Variants in TRIP4 observed in about 807,000 individuals in gnomAD.
TRIP4 encodes thyroid hormone receptor interactor 4.
Under a neutral mutation model 81.8 loss-of-function variants are expected in TRIP4, and 54 were observed. The observed-to-expected ratio is 0.66, with a 90% CI of 0.53 to 0.83. The LOEUF is 0.83. Among genes scored for constraint, TRIP4 ranks in the 40% least tolerant of loss-of-function variants. TRIP4 has a pLI of 0.00. For synonymous variants in TRIP4, 270 were observed against 242.8 expected (o/e 1.11, Z -1.04); for missense variants, 662 against 683.6 (o/e 0.97, Z 0.35).
In TRIP4 at chr15:64,418,669, T is replaced by C; in HGVS notation, c.1299T>C (p.Gly433=). 2.5e-6 allele frequency: 4 copies of C among 1,614,106 alleles called. No homozygotes were observed. The highest frequency in any genetic ancestry group is 2.5e-6 in the Non-Finnish European group (3 of 1,180,026). Residue 433 remains glycine, a synonymous_variant, in exon 9 of 13, where the codon GGT becomes GGC. Transcript: ENST00000261884. The stretch of plus-strand genomic sequence containing the variant: ...AAGAATTTCAGGAAGGCTTTGATGG[T>C]GGCTGGTGCCTCTCTGTACATCAGC... ...QDQEFQEGFD[G]GWCLSVHQPW...
At chr15:64,425,091 TA>T (rs1892112016) in intron 10 of TRIP4, among the ~76,000 whole-genome samples, 2 of 152,282 alleles carry the variant, frequency 1.3e-5, no homozygotes, top group South Asian at 4.2e-4. Flanking sequence ...AGCACACTTC[TA>T]TTCCTATTGA....
chr15:64,409,486 C>A, intron 6 of TRIP4, 127 bp from the exon 7 acceptor site: 1 of 811,318 alleles, frequency 1.2e-6, no homozygotes, highest in Non-Finnish European at 2.0e-6. Flanking sequence ...GGAGATAAAA[C>A]ATATGCAGAG....
intron 12 of TRIP4, among the ~76,000 whole-genome samples, chr15:64,447,380 C>G (rs948035180): frequency 3.9e-5 from 6 of 152,286 alleles, no homozygotes; most frequent in Admixed American, 3.9e-4. Flanking sequence ...AAGTACTTCT[C>G]AAACTATAAT....
chr15:64,428,501 C>T (rs1892199239), intron 11 of TRIP4, among the ~76,000 whole-genome samples: 1 of 152,174 alleles, frequency 6.6e-6, no homozygotes. Context: ...ATGAATGTCT[C>T]TGATATATAA....
At chr15:64,404,205 A>T (rs1891574341) in intron 5 of TRIP4, among the ~76,000 whole-genome samples, 1 of 152,124 alleles carries the variant, frequency 6.6e-6, no homozygotes, top group Admixed American at 6.6e-5. Flanking sequence ...AAAAAAAATC[A>T]TATTAATCTA....
chr15:64,443,887 G>A (rs1400589888), intron 11 of TRIP4, among the ~76,000 whole-genome samples: 2 of 152,018 alleles, frequency 1.3e-5, no homozygotes, highest in African/African-American at 4.8e-5. Context: ...CAAAGTACAT[G>A]TCCCACCTCT....
intron 5 of TRIP4, among the ~76,000 whole-genome samples, chr15:64,405,593 A>ACT (rs2140289152): frequency 6.6e-6 from 1 of 152,252 alleles, no homozygotes; most frequent in East Asian, 1.9e-4. Flanking sequence ...ATACTAAGTG[A>ACT]CTCAGCATTT....
intron 11 of TRIP4, among the ~76,000 whole-genome samples, chr15:64,442,326 G>A (rs1892535503): frequency 6.6e-6 from 1 of 152,168 alleles, no homozygotes; most frequent in South Asian, 2.1e-4. Context: ...CTTGGACCAG[G>A]GAAGTAGCCA....
chr15:64,417,791 G>A (rs563855341), intron 8 of TRIP4, among the ~76,000 whole-genome samples: 1 of 152,288 alleles, frequency 6.6e-6, no homozygotes, highest in South Asian at 2.1e-4. Flanking sequence ...GCTTTGTCAT[G>A]GTGCCAGCAT....
chr15:64,424,309 C>A, intron 10 of TRIP4, 154 bp downstream of exon 10: 1 of 1,049,182 alleles, frequency 9.5e-7, no homozygotes, highest in Non-Finnish European at 1.3e-6. Flanking sequence ...AAATCATTGA[C>A]AGCGTTCAAA....
chr15:64,452,206 T>G (rs1458075285), intron 12 of TRIP4, among the ~76,000 whole-genome samples: 1 of 152,144 alleles, frequency 6.6e-6, no homozygotes, highest in African/African-American at 2.4e-5. Flanking sequence ...GGTCTGGAAC[T>G]TCTGGGCTCA....
intron 7 of TRIP4, among the ~76,000 whole-genome samples, chr15:64,411,846 A>AT (rs924937250): frequency 1.8e-4 from 27 of 151,600 alleles, no homozygotes; most frequent in Admixed American, 6.6e-5. Flanking sequence ...CGCCTGGCTA[A>AT]TTTTTTTTGT....
At chr15:64,434,166 G>A (rs1892338859) in intron 11 of TRIP4, among the ~76,000 whole-genome samples, 1 of 151,976 alleles carries the variant, frequency 6.6e-6, no homozygotes, top group Non-Finnish European at 1.5e-5. Flanking sequence ...TTGGAAGGCC[G>A]AGGCAGGTGG....
intron 11 of TRIP4, among the ~76,000 whole-genome samples, chr15:64,432,257 G>A (rs1462419465): frequency 6.6e-6 from 1 of 151,856 alleles, no homozygotes; most frequent in Non-Finnish European, 1.5e-5. Context: ...TGTATTTAGT[G>A]TTTTGGTTTT....
chr15:64,449,643 G>C (rs1309834088), intron 12 of TRIP4, among the ~76,000 whole-genome samples: 1 of 152,022 alleles, frequency 6.6e-6, no homozygotes, highest in Non-Finnish European at 1.5e-5. Flanking sequence ...TGATTTGTTT[G>C]TTTTTGGAAG....
At chr15:64,395,968 G>A (rs1205773184) in intron 3 of TRIP4, among the ~76,000 whole-genome samples, 1 of 151,830 alleles carries the variant, frequency 6.6e-6, no homozygotes, top group African/African-American at 2.4e-5. Flanking sequence ...GAATGCAGTG[G>A]TGTAATCTCA....
At chr15:64,391,305 T>C (rs1453003636) in intron 1 of TRIP4, among the ~76,000 whole-genome samples, 1 of 151,868 alleles carries the variant, frequency 6.6e-6, no homozygotes, top group African/African-American at 2.4e-5. Flanking sequence ...TACAGGCGCG[T>C]GACACCATGC....
intron 1 of TRIP4, among the ~76,000 whole-genome samples, chr15:64,390,647 T>G (rs1900098942): frequency 1.3e-5 from 2 of 151,814 alleles, no homozygotes; most frequent in Non-Finnish European, 2.9e-5. Context: ...TCCTAGCACT[T>G]TAGGAGGCCA....
At chr15:64,389,090 A>C (rs1392093907) in intron 1 of TRIP4, among the ~76,000 whole-genome samples, 1 of 152,198 alleles carries the variant, frequency 6.6e-6, no homozygotes, top group Non-Finnish European at 1.5e-5. Flanking sequence ...TTTATTGGAA[A>C]GGATAACTTT....
Sources: gnomAD v4.1 joint callset for allele counts (sites outside exome capture counted in the v4.1 genomes callset) on GRCh38, gnomAD v4.1.1 for gene constraint, MANE v1.5 for transcripts, NCBI Gene and HGNC (gene_info 2026-07-23, HGNC 2026-07-21) for gene names.